Variants in NEBL observed in about 807,000 individuals in gnomAD.
NEBL encodes the protein LIM and SH3 protein 2.
In NEBL, 122 loss-of-function variants were observed where a neutral mutation model predicts 140.2. That is an observed-to-expected ratio of 0.87 (90% confidence interval 0.75 to 1.01). NEBL has a LOEUF of 1.01. Ranked by LOEUF, NEBL falls within the 50% of genes least tolerant of loss-of-function variation. The probability of loss-of-function intolerance (pLI) is 0.00; values close to 1 mark genes in which losing one functional copy is unlikely to be tolerated. For synonymous variants in NEBL, 436 were observed against 398.9 expected (o/e 1.09, Z -1.11); for missense variants, 1,365 against 1,231.3 (o/e 1.11, Z -1.62).
chr10:20,903,645 A>T (rs1242654638), intron 4 of NEBL, among the ~76,000 whole-genome samples: 1 of 152,210 alleles, frequency 6.6e-6, no homozygotes, highest in Non-Finnish European at 1.5e-5. Flanking sequence ...AACTGGATAA[A>T]GAAAATGTGG....
At position 20,889,324 on chromosome 10, in the gene NEBL, T is replaced by C. The variant is rs11012373; in HGVS notation, c.258+521A>G. Among the ~76,000 whole-genome samples, 1,318 of 152,344 alleles carry C rather than the reference T, an allele frequency of 8.7e-3. 19 individuals are homozygous for C. Among genetic ancestry groups the C allele is most frequent in the African/African-American group, 0.03 (1,243 of 41,578 alleles). The stretch of plus-strand genomic sequence containing the variant: ...TAATTTTTCAGCTGGAAAATGAATA[T>C]AGCGTATTCCTCAGTCTGTGATTTT... On this transcript the variant is annotated intron_variant, in intron 3 of 27. Transcript: ENST00000377122.
At chr10:21,181,754 G>T (rs944280938) in intron 3 of NEBL, among the ~76,000 whole-genome samples, 10 of 152,152 alleles carry the variant, frequency 6.6e-5, no homozygotes, top group Non-Finnish European at 1.5e-4. Flanking sequence ...TATAATGTTG[G>T]CTGGCCGTGA....
At chr10:21,003,681 GGTT>G (rs1009478659) in intron 3 of NEBL, among the ~76,000 whole-genome samples, 24 of 152,114 alleles carry the variant, frequency 1.6e-4, no homozygotes, top group African/African-American at 5.6e-4. Flanking sequence ...GAAGCTAAAA[GGTT>G]CTCAGGCAGG....
intron 9 of NEBL, 65 bp from the exon 10 acceptor site, chr10:20,852,714 G>C: frequency 7.6e-7 from 1 of 1,314,064 alleles, no homozygotes; most frequent in Non-Finnish European, 1.1e-6. Context: ...TAAATACTTA[G>C]AAATACAAAC....
chr10:21,000,523 G>T (rs1315897922), intron 3 of NEBL, among the ~76,000 whole-genome samples: 1 of 152,064 alleles, frequency 6.6e-6, no homozygotes, highest in Admixed American at 6.5e-5. Flanking sequence ...AGAGAGAGAA[G>T]CCACCCATTC....
At chr10:20,981,395 C>T (rs1837033514) in intron 3 of NEBL, among the ~76,000 whole-genome samples, 1 of 146,760 alleles carries the variant, frequency 6.8e-6, no homozygotes, top group South Asian at 2.1e-4. Context: ...AAGAATTCTA[C>T]TGCATCTCAT....
At chr10:21,159,607 C>T (rs967282032) in intron 2 of NEBL, among the ~76,000 whole-genome samples, 2 of 152,232 alleles carry the variant, frequency 1.3e-5, no homozygotes, top group African/African-American at 4.8e-5. Flanking sequence ...CAGCAGATAA[C>T]TCATTGAAAA....
At chr10:21,203,615 A>C (rs1473605106) in intron 3 of NEBL, among the ~76,000 whole-genome samples, 4 of 152,242 alleles carry the variant, frequency 2.6e-5, no homozygotes, top group Non-Finnish European at 5.9e-5. Context: ...AAATAACAGC[A>C]GTATTTTATA....
At chr10:20,967,864 T>C (rs1836392782) in intron 3 of NEBL, among the ~76,000 whole-genome samples, 1 of 152,088 alleles carries the variant, frequency 6.6e-6, no homozygotes. Flanking sequence ...ATCAACTATC[T>C]CACGATAAGA....
intron 3 of NEBL, among the ~76,000 whole-genome samples, chr10:21,232,571 A>C (rs1842280329): frequency 6.6e-6 from 1 of 152,212 alleles, no homozygotes; most frequent in South Asian, 2.1e-4. Context: ...ATCAGGCATT[A>C]GATTTTCATA....
chr10:20,851,760 G>C (rs550730789), intron 10 of NEBL, among the ~76,000 whole-genome samples: 23 of 152,214 alleles, frequency 1.5e-4, no homozygotes, highest in South Asian at 8.3e-4. Context: ...ACTCCAGCCA[G>C]GGTGACAGTG....
At chr10:20,935,193 G>A (rs891265613) in intron 4 of NEBL, among the ~76,000 whole-genome samples, 1 of 152,098 alleles carries the variant, frequency 6.6e-6, no homozygotes, top group Non-Finnish European at 1.5e-5. Context: ...GTCACCCCGA[G>A]GAAGCATCCA....
intron 4 of NEBL, among the ~76,000 whole-genome samples, chr10:20,903,595 G>A (rs374474935): frequency 1.2e-4 from 18 of 152,254 alleles, no homozygotes; most frequent in African/African-American, 3.9e-4. Flanking sequence ...AATTCGCAAT[G>A]GCAAGGATAC....
intron 2 of NEBL, among the ~76,000 whole-genome samples, chr10:21,055,950 A>AAATGCTTTGTT (rs1835005599): frequency 6.6e-6 from 1 of 152,196 alleles, no homozygotes; most frequent in South Asian, 2.1e-4. Flanking sequence ...CTACACGGGC[A>AAATGCTTTGTT]AATGCTTTGT....
chr10:21,142,237 A>T lies in NEBL; in HGVS notation c.164+30146T>A, dbSNP rs892490963. On this transcript the variant is annotated intron_variant, in intron 2 of 6. Coordinates refer to the NEBL transcript ENST00000417816. ...TTTCTCAGAGACCATGACCACATGG[A>T]CCAACCAAATAGCCTAGAAATATTT... Among the ~76,000 whole-genome samples the T allele has an allele frequency of 6.6e-5, 10 of 152,280 alleles. No homozygotes were observed. In the South Asian group the frequency reaches 1.9e-3, roughly 28 times the overall value.
Position 20,845,324 on chromosome 10 carries a change from T to TG in NEBL, c.1160dup (p.Ser388IlefsTer26). 1.2e-6 allele frequency: 2 copies of TG among 1,606,388 alleles called. No individual in the cohort carries two copies. Among genetic ancestry groups the TG allele is most frequent in the Non-Finnish European group, 1.7e-6 (2 of 1,173,358 alleles). Reference sequence around the variant, plus strand: ...CTGGAGTCTTGTCTAAATCCAGTGATGACCTTCCTTTAATCTCCTTCTCAA... The same window carrying TG: ...CTGGAGTCTTGTCTAAATCCAGTGATGGACCTTCCTTTAATCTCCTTCTCAA... On this transcript the variant is annotated frameshift_variant, in exon 12 of 28. Transcript: ENST00000377122. LOFTEE classifies it high-confidence loss of function.
At chr10:20,889,703 CATTAG>C in intron 3 of NEBL, 137 bp downstream of exon 3, 1 of 675,548 alleles carries the variant, frequency 1.5e-6, no homozygotes, top group Admixed American at 2.3e-5. Flanking sequence ...CAGCGCATCA[CATTAG>C]ATAATTATGT....
intron 2 of NEBL, among the ~76,000 whole-genome samples, chr10:21,116,577 T>C (rs1479779149): frequency 6.6e-6 from 1 of 152,066 alleles, no homozygotes; most frequent in Non-Finnish European, 1.5e-5. Flanking sequence ...AGTAATTCTA[T>C]CATCTGTGTC....
At chr10:20,869,918 A>G in intron 5 of NEBL, 77 bp from the exon 6 acceptor site, 1 of 983,738 alleles carries the variant, frequency 1.0e-6, no homozygotes, top group Non-Finnish European at 1.6e-6. Context: ...TGTTCATAAC[A>G]TTATTTATTC....
Sources: gnomAD v4.1 joint callset for allele counts (sites outside exome capture counted in the v4.1 genomes callset) on GRCh38, gnomAD v4.1.1 for gene constraint, MANE v1.5 for transcripts, NCBI Gene and HGNC (gene_info 2026-07-23, HGNC 2026-07-21) for gene names.